EBF1: variants seen among roughly 807,000 people sequenced by gnomAD.
The protein encoded by EBF1 is transcription factor COE1.
Under a neutral mutation model 68.4 loss-of-function variants are expected in EBF1, and 10 were observed. The ratio of observed to expected loss-of-function variants is 0.15; its 90% confidence interval spans 0.09 to 0.25. The LOEUF (loss-of-function observed/expected upper bound fraction) is 0.25. Ranked by LOEUF, EBF1 falls within the 10% of genes least tolerant of loss-of-function variation. EBF1 has a pLI of 1.00. For synonymous variants in EBF1, 298 were observed against 299.8 expected (o/e 0.99, Z 0.06); for missense variants, 509 against 794.4 (o/e 0.64, Z 4.32).
At position 158,715,603 on chromosome 5, in the gene EBF1, T is replaced by G. The variant is rs200733393; in HGVS notation, c.1126-1421A>C. Among the ~76,000 whole-genome samples the G allele has an allele frequency of 1.2e-4, 18 of 152,302 alleles. No individual in the cohort carries two copies. The East Asian group carries it at 3.5e-3, about 29-fold the overall frequency. The stretch of plus-strand genomic sequence containing the variant: ...CCCTTTATAAAACAGTTTAGTTATT[T>G]TTCATGTAGGGAGTAAAGAACATTA... On this transcript the variant is annotated intron_variant, in intron 11 of 15. Transcript: ENST00000313708.
intron 6 of EBF1, among the ~76,000 whole-genome samples, chr5:159,028,676 G>A (rs761068995): frequency 6.6e-6 from 1 of 152,212 alleles, no homozygotes; most frequent in Non-Finnish European, 1.5e-5. Flanking sequence ...CTAGCACGGA[G>A]CATGGATTCA....
At chr5:159,060,206 A>G (rs993785271) in intron 6 of EBF1, among the ~76,000 whole-genome samples, 1 of 152,222 alleles carries the variant, frequency 6.6e-6, no homozygotes, top group African/African-American at 2.4e-5. Context: ...AAAAATAATT[A>G]AAAACATATA....
chr5:158,820,038 G>C (rs948806683), intron 8 of EBF1, among the ~76,000 whole-genome samples: 1 of 152,060 alleles, frequency 6.6e-6, no homozygotes, highest in Non-Finnish European at 1.5e-5. Flanking sequence ...TGTAAAGCAC[G>C]ATCTCTGTCT....
At chr5:158,940,126 T>C (rs1239579831) in intron 6 of EBF1, among the ~76,000 whole-genome samples, 1 of 152,166 alleles carries the variant, frequency 6.6e-6, no homozygotes, top group Non-Finnish European at 1.5e-5. Context: ...TCACTTCAAT[T>C]TAGCAGAATC....
intron 8 of EBF1, among the ~76,000 whole-genome samples, chr5:158,821,011 C>A (rs752397757): frequency 6.6e-6 from 1 of 152,140 alleles, no homozygotes; most frequent in Admixed American, 6.5e-5. Flanking sequence ...AACATCTGGC[C>A]CCACTTGGGC....
At chr5:159,008,248 T>C (rs1011576860) in intron 6 of EBF1, among the ~76,000 whole-genome samples, 2 of 152,230 alleles carry the variant, frequency 1.3e-5, no homozygotes, top group Non-Finnish European at 2.9e-5. Flanking sequence ...TATTCTAAGA[T>C]TGTAATCAGA....
intron 6 of EBF1, among the ~76,000 whole-genome samples, chr5:158,866,978 A>G (rs1796042058): frequency 6.6e-6 from 1 of 151,268 alleles, no homozygotes; most frequent in Non-Finnish European, 1.5e-5. Context: ...AGAGGCACAA[A>G]CATGGAATAA....
intron 6 of EBF1, among the ~76,000 whole-genome samples, chr5:159,005,694 A>G (rs975024203): frequency 2.0e-5 from 3 of 152,226 alleles, no homozygotes; most frequent in African/African-American, 7.2e-5. Context: ...GAAAGAAGAC[A>G]AAAAATTATG....
intron 6 of EBF1, among the ~76,000 whole-genome samples, chr5:158,849,034 C>A (rs1048087142): frequency 6.6e-6 from 1 of 152,156 alleles, no homozygotes; most frequent in African/African-American, 2.4e-5. Flanking sequence ...CATTCAATAC[C>A]AATTTTACTA....
At chr5:158,968,268 A>T (rs1754575485) in intron 6 of EBF1, among the ~76,000 whole-genome samples, 1 of 152,216 alleles carries the variant, frequency 6.6e-6, no homozygotes, top group African/African-American at 2.4e-5. Flanking sequence ...AAAGGTAGTT[A>T]ACATCACTTT....
At chr5:158,984,132 A>G (rs1326862357) in intron 6 of EBF1, among the ~76,000 whole-genome samples, 2 of 152,188 alleles carry the variant, frequency 1.3e-5, no homozygotes, top group Admixed American at 6.5e-5. Context: ...CACTTCTTAA[A>G]GTTTCCAGCT....
At chr5:158,965,389 T>C (rs1753904546) in intron 6 of EBF1, among the ~76,000 whole-genome samples, 1 of 152,214 alleles carries the variant, frequency 6.6e-6, no homozygotes. Flanking sequence ...GCTCAGTGGA[T>C]TTGCCTATTT....
At chr5:158,991,822 C>T (rs935450560) in intron 6 of EBF1, among the ~76,000 whole-genome samples, 4 of 152,152 alleles carry the variant, frequency 2.6e-5, no homozygotes, top group African/African-American at 7.2e-5. Context: ...GTCTGTGTTA[C>T]CTGTGGAGTG....
At chr5:158,870,106 TAG>T (rs1301225664) in intron 6 of EBF1, among the ~76,000 whole-genome samples, 1 of 152,186 alleles carries the variant, frequency 6.6e-6, no homozygotes, top group Non-Finnish European at 1.5e-5. Flanking sequence ...GGACTAGATT[TAG>T]AGAGCCCACA....
chr5:158,767,148 T>C (rs1772879549), intron 10 of EBF1, among the ~76,000 whole-genome samples: 1 of 152,192 alleles, frequency 6.6e-6, no homozygotes, highest in Admixed American at 6.5e-5. Flanking sequence ...CCTTAGATTG[T>C]GAGAGCTTAT....
intron 10 of EBF1, among the ~76,000 whole-genome samples, chr5:158,737,321 T>C (rs1468725369): frequency 8.6e-6 from 1 of 116,056 alleles, no homozygotes; most frequent in Non-Finnish European, 1.6e-5. Context: ...TCTCGCTCCG[T>C]CGCCCAGGGT....
Position 158,698,439 on chromosome 5 carries a change from G to C in EBF1, c.*672C>G, listed in dbSNP as rs947848111. The C allele has an allele frequency of 4.5e-6, 1 of 222,116 alleles. No homozygotes were observed. The highest frequency in any genetic ancestry group is 2.2e-5 in the African/African-American group (1 of 44,626). 13.8% of individuals were successfully genotyped at this position (222,116 alleles called of 1,614,324 possible). ...CTTACATCGCGTTTTAACTTTCCAG[G>C]CTGCATTTATTTACACAGTTGCTTA... On this transcript the variant is annotated 3_prime_UTR_variant, in exon 16 of 16. Transcript: ENST00000313708.
At chr5:158,971,066 C>T (rs1389355413) in intron 6 of EBF1, among the ~76,000 whole-genome samples, 4 of 152,166 alleles carry the variant, frequency 2.6e-5, no homozygotes, top group African/African-American at 9.7e-5. Flanking sequence ...TACCGGGTAA[C>T]CTATTAGGCC....
At chr5:158,837,127 T>TC (rs1379837037) in intron 7 of EBF1, among the ~76,000 whole-genome samples, 2 of 152,162 alleles carry the variant, frequency 1.3e-5, no homozygotes, top group African/African-American at 4.8e-5. Context: ...ATTTTGCCTC[T>TC]CCTCTCTCCA....
Sources: gnomAD v4.1 joint callset for allele counts (sites outside exome capture counted in the v4.1 genomes callset) on GRCh38, gnomAD v4.1.1 for gene constraint, MANE v1.5 for transcripts, NCBI Gene and HGNC (gene_info 2026-07-23, HGNC 2026-07-21) for gene names.